The following CCL17 variants were observed in gnomAD, a reference collection of about 807,000 sequenced individuals.
CCL17 encodes C-C motif chemokine 17.
Under a neutral mutation model 7.4 loss-of-function variants are expected in CCL17, and 8 were observed. The observed-to-expected ratio is 1.09, with a 90% CI of 0.64 to 1.96. The LOEUF (loss-of-function observed/expected upper bound fraction) is 1.96, where lower values mean the gene tolerates loss of function less well. Ranked by LOEUF, CCL17 falls within the 30% of genes most tolerant of loss-of-function variation. The pLI, the probability that CCL17 is intolerant of heterozygous loss-of-function variation, is 0.00. For missense variants in CCL17, 102 were observed against 113.0 expected (o/e 0.90, Z 0.44); for synonymous variants, 40 against 46.1 (o/e 0.87, Z 0.54).
At chr16:57,410,442 CAG>C (rs1368843963) in intron 1 of CCL17, among the ~76,000 whole-genome samples, 3 of 152,180 alleles carry the variant, frequency 2.0e-5, no homozygotes, top group African/African-American at 4.8e-5. Context: ...ATAGGCCTAA[CAG>C]TGTCTGGCCT....
rs1858375792 is a variant in CCL17 at position 57,416,051 on chromosome 16, G to C, written c.*190G>C. The C allele has an allele frequency of 1.8e-6, 1 of 569,296 alleles. No homozygotes were observed. The highest frequency in any genetic ancestry group is 1.9e-5 in the African/African-American group (1 of 53,078). The allele number at this position is 569,296 out of a possible 1,614,324, so 35.3% of individuals were successfully genotyped here. On this transcript the variant is annotated 3_prime_UTR_variant, in exon 4 of 4. Coordinates refer to ENST00000219244, the MANE Select transcript of CCL17 (RefSeq NM_002987.3). ...ATGGGCACAAAGGGCCCAGATTAAA[G>C]TCTTTATCCTCAGTCTGTGTCAGCG...
rs1365436998 is a variant in CCL17 at position 57,415,783 on chromosome 16, C to T, written c.207C>T (p.Gly69=). 3 of 1,611,888 alleles carry T rather than the reference C, an allele frequency of 1.9e-6. No individual in the cohort carries two copies. The highest frequency in any genetic ancestry group is 2.5e-6 in the Non-Finnish European group (3 of 1,177,920). The part of the protein sequence containing the change: ...RDAIVFVTVQ[G]RAICSDPNNK... ...TGTGTAGTTTTGTAACTGTGCAGGGCAGGGCCATCTGTTCGGACCCCAACA... is the reference window on the plus strand; with the variant it reads ...TGTGTAGTTTTGTAACTGTGCAGGGTAGGGCCATCTGTTCGGACCCCAACA... The change falls in exon 4 of 4, where the codon GGC becomes GGT. Residue 69 remains glycine (G), a synonymous_variant. Coordinates refer to ENST00000219244, the MANE Select transcript of CCL17 (RefSeq NM_002987.3). This position sits in a 1 kb window ranked among gnomAD's most constrained non-coding sequence, Gnocchi z 4.5.
rs1398672889 is a variant in CCL17, at chr16:57,411,080, CAG to C, written c.-59-2793_-59-2792del. Among the ~76,000 whole-genome samples, 4 of 152,342 alleles carry C rather than the reference CAG, an allele frequency of 2.6e-5. No homozygotes were observed. The South Asian group carries it at 6.2e-4, about 24-fold the overall frequency. On this transcript the variant is annotated intron_variant, in intron 1 of 3. Transcript: ENST00000219244. ...TGTGCAATGTCCTTTCTTCCAATCT[CAG>C]TATGAATCTTATCTACAAAACCTAG...
chr16:57,398,701 T>G, the CCL17 span, among the ~76,000 whole-genome samples: 1 of 152,220 alleles, frequency 6.6e-6, no homozygotes, highest in Non-Finnish European at 1.5e-5. Context: ...TTTGACTTGT[T>G]GTAGGCAGAG....
At chr16:57,401,569 A>G (rs1188349188), upstream of CCL17, among the ~76,000 whole-genome samples, 2 of 152,050 alleles carry the variant, frequency 1.3e-5, no homozygotes, top group African/African-American at 2.4e-5. Flanking sequence ...GAACAATGCT[A>G]TATATTGCTT....
chr16:57,397,260 T>C, the CCL17 span, among the ~76,000 whole-genome samples: 4 of 152,250 alleles, frequency 2.6e-5, no homozygotes, highest in Admixed American at 6.5e-5. Context: ...GATTTGGCCC[T>C]GTAAATAGGG....
At chr16:57,402,049 G>C (rs1902601128), upstream of CCL17, among the ~76,000 whole-genome samples, 1 of 152,260 alleles carries the variant, frequency 6.6e-6, no homozygotes, top group African/African-American at 2.4e-5. Context: ...TGTTAGCCAA[G>C]TGTGGTTCAG....
upstream of CCL17, among the ~76,000 whole-genome samples, chr16:57,401,157 C>T (rs562769546): frequency 4.6e-5 from 7 of 152,150 alleles, no homozygotes; most frequent in South Asian, 1.2e-3. Flanking sequence ...ACACAAATGA[C>T]ACTGTCAGGT....
chr16:57,408,003 C>G (rs1465706500), intron 1 of CCL17, among the ~76,000 whole-genome samples: 3 of 149,102 alleles, frequency 2.0e-5, no homozygotes, highest in Non-Finnish European at 3.0e-5. Flanking sequence ...CCATCCATCC[C>G]TCCATCCATC....
At chr16:57,405,921 A>G (rs186472938) in intron 1 of CCL17, among the ~76,000 whole-genome samples, 2,101 of 151,310 alleles carry the variant, frequency 0.014, 53 homozygotes, top group African/African-American at 0.047. Context: ...GGGCGCCTGT[A>G]GTCCCAGCTA....
chr16:57,408,452 C>G (rs1201324381), intron 1 of CCL17, among the ~76,000 whole-genome samples: 6 of 152,160 alleles, frequency 3.9e-5, no homozygotes, highest in Admixed American at 2.0e-4. Context: ...CACTCTGTCG[C>G]CCAGGCTGGA....
At chr16:57,399,792 C>G (rs563317986), upstream of CCL17, among the ~76,000 whole-genome samples, 15 of 152,282 alleles carry the variant, frequency 9.9e-5, no homozygotes, top group South Asian at 2.1e-3. Flanking sequence ...CACATGATAT[C>G]CCTGTGAGCC....
chr16:57,413,652 G>A (rs557049836), intron 1 of CCL17, among the ~76,000 whole-genome samples: 22 of 152,346 alleles, frequency 1.4e-4, no homozygotes, highest in African/African-American at 5.3e-4. Flanking sequence ...GGAGAAGTGT[G>A]TCACTGCCAT....
At chr16:57,413,221 C>A (rs751484340) in intron 1 of CCL17, among the ~76,000 whole-genome samples, 4 of 152,226 alleles carry the variant, frequency 2.6e-5, no homozygotes, top group Non-Finnish European at 5.9e-5. Flanking sequence ...TGGGCTCTTG[C>A]CTCCTGTGGT....
the CCL17 span, among the ~76,000 whole-genome samples, chr16:57,399,595 T>C: frequency 6.6e-6 from 1 of 152,028 alleles, no homozygotes; most frequent in Non-Finnish European, 1.5e-5. Flanking sequence ...GGACTACAGG[T>C]GTGTGCCACC....
intron 1 of CCL17, among the ~76,000 whole-genome samples, chr16:57,408,079 C>T (rs1902725076): frequency 6.6e-6 from 1 of 151,714 alleles, no homozygotes; most frequent in Admixed American, 6.6e-5. Context: ...TACCATCCAT[C>T]CATCTACCCA....
At chr16:57,401,081 G>A (rs1281503611), upstream of CCL17, among the ~76,000 whole-genome samples, 2 of 151,946 alleles carry the variant, frequency 1.3e-5, no homozygotes, top group African/African-American at 4.8e-5. Flanking sequence ...GTAAATTGTG[G>A]TATAGTTGGT....
At chr16:57,414,746 G>A (rs1902840862) in intron 2 of CCL17, among the ~76,000 whole-genome samples, 1 of 152,060 alleles carries the variant, frequency 6.6e-6, no homozygotes, top group Admixed American at 6.6e-5. Flanking sequence ...ATGAAATAAG[G>A]TTGCCAGGTA....
intron 1 of CCL17, among the ~76,000 whole-genome samples, chr16:57,409,839 T>C (rs1249156424): frequency 6.6e-6 from 1 of 152,106 alleles, no homozygotes; most frequent in African/African-American, 2.4e-5. Context: ...GGAAATACTA[T>C]TTGGGACCCT....
Sources: allele counts gnomAD v4.1 joint callset (sites outside exome capture counted in the v4.1 genomes callset), GRCh38; gene constraint gnomAD v4.1.1; non-coding constraint Gnocchi (gnomAD v3.1); transcripts MANE v1.5; gene names NCBI Gene and HGNC (gene_info 2026-07-23, HGNC 2026-07-21).